Variants in UBE2R2 observed in about 807,000 individuals in gnomAD.
UBE2R2 encodes the protein ubiquitin-conjugating enzyme E2 R2.
UBE2R2 carries 1 observed loss-of-function variant against 27.8 expected under a neutral mutation model. That is an observed-to-expected ratio of 0.04 (90% CI 0.01 to 0.17). The LOEUF (loss-of-function observed/expected upper bound fraction) is 0.17. Among genes scored for constraint, UBE2R2 ranks in the 10% least tolerant of loss-of-function variants. The pLI is 1.00. For missense variants in UBE2R2, 100 were observed against 291.0 expected (o/e 0.34, Z 4.78); for synonymous variants, 106 against 113.3 (o/e 0.94, Z 0.41).
chr9:33,880,559 TGC>T (rs1300026045), intron 1 of UBE2R2, among the ~76,000 whole-genome samples: 1 of 152,210 alleles, frequency 6.6e-6, no homozygotes, highest in Non-Finnish European at 1.5e-5. Context: ...TATGTCTTGG[TGC>T]GTGTTCTATG....
rs570011644 is a variant in UBE2R2 at position 33,817,441 on chromosome 9, C to A, written c.-317C>A. 58 of 154,994 alleles carry A rather than the reference C, an allele frequency of 3.7e-4. No homozygotes were observed. The highest frequency in any genetic ancestry group is 7.0e-4 in the African/African-American group (29 of 41,302). 9.6% of individuals were successfully genotyped at this position (154,994 alleles called of 1,614,324 possible). Reference sequence around the variant, plus strand: ...CCGCTTCCACCTCCTCTCCCCCCCCCCAAGTTGAGGCCCCCTCCGGGGGGG... The same window carrying A: ...CCGCTTCCACCTCCTCTCCCCCCCCACAAGTTGAGGCCCCCTCCGGGGGGG... On this transcript the variant is annotated 5_prime_UTR_variant, in exon 1 of 5. Coordinates refer to ENST00000263228, the MANE Select transcript of UBE2R2 (RefSeq NM_017811.4).
chr9:33,857,186 C>T (rs796900479), intron 1 of UBE2R2, among the ~76,000 whole-genome samples: 4 of 150,938 alleles, frequency 2.7e-5, no homozygotes, highest in African/African-American at 9.7e-5. Flanking sequence ...ATGAGCCACC[C>T]TGCCTGGCCC....
At chr9:33,916,918 A>T in intron 4 of UBE2R2, 100 bp from the exon 5 acceptor site, 1 of 1,495,010 alleles carries the variant, frequency 6.7e-7, no homozygotes, top group Non-Finnish European at 8.9e-7. Flanking sequence ...TGAAGTTTGG[A>T]GAGCTGAGTC....
chr9:33,819,606 A>G (rs1184522879), intron 1 of UBE2R2, among the ~76,000 whole-genome samples: 1 of 152,172 alleles, frequency 6.6e-6, no homozygotes, highest in African/African-American at 2.4e-5. Flanking sequence ...CATACTGGAA[A>G]AATTAGTTGT....
At chr9:33,827,790 G>A (rs929476092) in intron 1 of UBE2R2, among the ~76,000 whole-genome samples, 1 of 151,746 alleles carries the variant, frequency 6.6e-6, no homozygotes, top group Non-Finnish European at 1.5e-5. Flanking sequence ...GACCAACATG[G>A]TGAAACCCCG....
intron 2 of UBE2R2, among the ~76,000 whole-genome samples, chr9:33,890,544 G>A (rs533288628): frequency 6.6e-6 from 1 of 152,232 alleles, no homozygotes; most frequent in East Asian, 1.9e-4. Flanking sequence ...GGGCTCGGTG[G>A]CTCACGCCTG....
intron 1 of UBE2R2, among the ~76,000 whole-genome samples, chr9:33,884,768 C>G (rs1587468346): frequency 6.7e-6 from 1 of 148,380 alleles, no homozygotes; most frequent in East Asian, 2.0e-4. Context: ...TCTATTGATT[C>G]TTTTTTTTTT....
chr9:33,874,267 T>C (rs980068737), intron 1 of UBE2R2, among the ~76,000 whole-genome samples: 4 of 152,180 alleles, frequency 2.6e-5, no homozygotes, highest in Non-Finnish European at 5.9e-5. Flanking sequence ...TTTTTATATT[T>C]TCAAACTTAA....
chr9:33,841,937 G>A (rs959205752), intron 1 of UBE2R2, among the ~76,000 whole-genome samples: 1 of 151,976 alleles, frequency 6.6e-6, no homozygotes, highest in Non-Finnish European at 1.5e-5. Flanking sequence ...CATCATATCT[G>A]TATTATATCT....
At chr9:33,883,955 G>A (rs1428365128) in intron 1 of UBE2R2, among the ~76,000 whole-genome samples, 1 of 151,938 alleles carries the variant, frequency 6.6e-6, no homozygotes, top group Admixed American at 6.6e-5. Context: ...TTGAGCCCAG[G>A]AGTTCGAGAC....
intron 1 of UBE2R2, chr9:33,818,784 C>T (rs563862699): frequency 3.9e-5 from 6 of 152,166 alleles, no homozygotes; most frequent in African/African-American, 1.4e-4. Context: ...GAAACCTGCT[C>T]AAGTGGTTAA....
At chr9:33,832,509 T>G (rs1324926203) in intron 1 of UBE2R2, among the ~76,000 whole-genome samples, 2 of 151,732 alleles carry the variant, frequency 1.3e-5, no homozygotes, top group African/African-American at 4.8e-5. Context: ...ACAAAAAAAT[T>G]AGCTGCGCTT....
intron 1 of UBE2R2, among the ~76,000 whole-genome samples, chr9:33,875,956 AAG>A (rs1208672750): frequency 6.6e-6 from 1 of 152,224 alleles, no homozygotes; most frequent in African/African-American, 2.4e-5. Flanking sequence ...AAATTTCAAA[AAG>A]GGAAGAAATT....
chr9:33,882,852 T>C (rs1821759882), intron 1 of UBE2R2, among the ~76,000 whole-genome samples: 1 of 151,874 alleles, frequency 6.6e-6, no homozygotes, highest in Non-Finnish European at 1.5e-5. Flanking sequence ...ACTTTGGGAG[T>C]CTGAGGTGGA....
At chr9:33,828,423 A>G (rs1399102144) in intron 1 of UBE2R2, among the ~76,000 whole-genome samples, 2 of 139,348 alleles carry the variant, frequency 1.4e-5, no homozygotes, top group African/African-American at 5.5e-5. Context: ...AGACAGTCTC[A>G]CTGTCGTCCA....
intron 1 of UBE2R2, among the ~76,000 whole-genome samples, chr9:33,834,470 C>A (rs1820568845): frequency 6.6e-6 from 1 of 151,966 alleles, no homozygotes; most frequent in South Asian, 2.1e-4. Flanking sequence ...CCTTGGCCTC[C>A]CAAAGTGTTG....
intron 1 of UBE2R2, among the ~76,000 whole-genome samples, chr9:33,882,563 G>A (rs1055401858): frequency 3.9e-5 from 6 of 152,170 alleles, no homozygotes; most frequent in African/African-American, 7.2e-5. Context: ...GATTACAGGC[G>A]TGAGCCACCA....
At chr9:33,873,748 A>C (rs1821539200) in intron 1 of UBE2R2, among the ~76,000 whole-genome samples, 2 of 152,058 alleles carry the variant, frequency 1.3e-5, no homozygotes, top group South Asian at 4.2e-4. Flanking sequence ...TCAAGCGGAT[A>C]CTGCCACCTG....
At chr9:33,867,089 A>G (rs531479201) in intron 1 of UBE2R2, among the ~76,000 whole-genome samples, 2 of 152,280 alleles carry the variant, frequency 1.3e-5, no homozygotes, top group Non-Finnish European at 2.9e-5. Context: ...TATATAACAT[A>G]AAATTCACCA....
Sources: gnomAD v4.1 joint callset for allele counts (sites outside exome capture counted in the v4.1 genomes callset) on GRCh38, gnomAD v4.1.1 for gene constraint, MANE v1.5 for transcripts, NCBI Gene and HGNC (gene_info 2026-07-23, HGNC 2026-07-21) for gene names.